Variants in CUX2 observed in about 807,000 individuals in gnomAD.
The protein encoded by CUX2 is cut like homeobox 2, also known as homeobox protein cut-like 2.
A neutral mutation model predicts 144.8 loss-of-function variants in CUX2; 40 were observed. The observed-to-expected ratio is 0.28, with a 90% CI of 0.21 to 0.36. The LOEUF (loss-of-function observed/expected upper bound fraction) is 0.36, where lower values mean the gene tolerates loss of function less well. CUX2 is among the 10% of genes least tolerant of loss of function. The probability of loss-of-function intolerance (pLI) is 1.00; values close to 1 mark genes in which losing one functional copy is unlikely to be tolerated. For synonymous variants in CUX2, 827 were observed against 875.6 expected (o/e 0.94, Z 0.98); for missense variants, 1,615 against 1,994.0 (o/e 0.81, Z 3.62).
intron 1 of CUX2, among the ~76,000 whole-genome samples, chr12:111,036,513 T>C (rs868310877): frequency 2.4e-4 from 37 of 152,140 alleles, no homozygotes; most frequent in Middle Eastern, 6.8e-3. Context: ...TTTTAGAAGA[T>C]GCATAGATGG....
At chr12:111,102,689 TTTTG>T (rs1236076992) in intron 1 of CUX2, among the ~76,000 whole-genome samples, 1 of 152,190 alleles carries the variant, frequency 6.6e-6, no homozygotes, top group Non-Finnish European at 1.5e-5. Context: ...CTTGGAGACA[TTTTG>T]GAGTCTTCCA....
At chr12:111,179,568 T>A (rs1879037753) in intron 1 of CUX2, among the ~76,000 whole-genome samples, 1 of 151,972 alleles carries the variant, frequency 6.6e-6, no homozygotes, top group African/African-American at 2.4e-5. Flanking sequence ...CAGAGTTCAT[T>A]CCGGCTGATC....
At chr12:111,082,364 T>G (rs543948965) in intron 1 of CUX2, among the ~76,000 whole-genome samples, 1 of 152,346 alleles carries the variant, frequency 6.6e-6, no homozygotes, top group Non-Finnish European at 1.5e-5. Flanking sequence ...AAAAGGCTGG[T>G]GGCCTGAATT....
At chr12:111,038,960 T>A (rs1258728959) in intron 1 of CUX2, among the ~76,000 whole-genome samples, 2 of 149,738 alleles carry the variant, frequency 1.3e-5, no homozygotes, top group East Asian at 3.9e-4. Context: ...TTTTCCTTAT[T>A]TTTTTTTTTA....
rs1871167289 is a variant in CUX2, at chr12:111,069,533, T to TGTGTGTGTGTGTGTGTGTGCGCGCGCGC, written c.63+35320_63+35321insCGTGTGTGTGTGTGTGTGTGCGCGCGCG. ...CAAAGCCTTGCTCTGTGTGTGTGTG[T>TGTGTGTGTGTGTGTGTGTGCGCGCGCGC]GTGTGTGTGTGTGTGTGTGCGCGCG... On this transcript the variant is annotated intron_variant, in intron 1 of 21. Coordinates refer to ENST00000261726, the MANE Select transcript of CUX2 (RefSeq NM_015267.4). 7.4e-5 allele frequency among the ~76,000 whole-genome samples: 11 copies of TGTGTGTGTGTGTGTGTGTGCGCGCGCGC among 148,262 alleles called. No homozygotes were observed. In the South Asian group the frequency reaches 1.8e-3, roughly 24 times the overall value.
chr12:111,319,086 G>A (rs1175505689), intron 16 of CUX2, among the ~76,000 whole-genome samples: 1 of 151,830 alleles, frequency 6.6e-6, no homozygotes, highest in African/African-American at 2.4e-5. Flanking sequence ...GGCTGAGGAG[G>A]GCAGATCACT....
chr12:111,328,882 C>A (rs1887945365), intron 18 of CUX2, among the ~76,000 whole-genome samples: 1 of 149,972 alleles, frequency 6.7e-6, no homozygotes, highest in South Asian at 2.1e-4. Flanking sequence ...GCTACTGCAC[C>A]CAGTCACCTC....
chr12:111,083,131 G>T (rs530433618), intron 1 of CUX2, among the ~76,000 whole-genome samples: 1 of 152,146 alleles, frequency 6.6e-6, no homozygotes, highest in Admixed American at 6.5e-5. Context: ...AATGTCTCCA[G>T]ATACTGCTGA....
chr12:111,036,165 C>T (rs997784864), intron 1 of CUX2, among the ~76,000 whole-genome samples: 3 of 152,224 alleles, frequency 2.0e-5, no homozygotes, highest in Non-Finnish European at 2.9e-5. Flanking sequence ...GGCGAAAGCC[C>T]TTTGCAGGGT....
intron 1 of CUX2, among the ~76,000 whole-genome samples, chr12:111,207,617 C>G (rs921521587): frequency 6.6e-6 from 1 of 152,112 alleles, no homozygotes; most frequent in Non-Finnish European, 1.5e-5. Flanking sequence ...CCTGGAATCT[C>G]GACCATCACT....
rs371108027 is a variant in CUX2 at position 111,042,889 on chromosome 12, A to G, written c.63+8649A>G. Among the ~76,000 whole-genome samples, 4 of 150,934 alleles carry G rather than the reference A, an allele frequency of 2.7e-5. No homozygotes were observed. The East Asian group carries it at 5.8e-4, about 22-fold the overall frequency. ...AAGCTCAAGTGATTCTCCCAACTCA[A>G]CCTCTCAAAGTGCTGGGATTACAGG... On this transcript the variant is annotated intron_variant, in intron 1 of 21. Coordinates refer to ENST00000261726, the MANE Select transcript of CUX2 (RefSeq NM_015267.4).
chr12:111,227,852 T>A (rs1470402952), intron 3 of CUX2, among the ~76,000 whole-genome samples: 1 of 152,146 alleles, frequency 6.6e-6, no homozygotes, highest in African/African-American at 2.4e-5. Flanking sequence ...ACCTGTTGTA[T>A]ACAAGGGTGA....
At position 111,312,270 on chromosome 12, in the gene CUX2, G is replaced by C. The variant is rs543079033; in HGVS notation, c.2002+69G>C. ...AGCTGCGAACAGGAGATGAGGCTTC[G>C]TCTACCTTTGTCCACCCCAGAGGGA... On this transcript the variant is annotated intron_variant, in intron 16 of 21. Coordinates refer to ENST00000261726, the MANE Select transcript of CUX2 (RefSeq NM_015267.4). This position sits in a 1 kb window ranked among gnomAD's most constrained non-coding sequence, Gnocchi z 4.3. The C allele has an allele frequency of 7.4e-6, 10 of 1,359,356 alleles. No homozygotes were observed. The highest frequency in any genetic ancestry group is 1.0e-5 in the Non-Finnish European group (10 of 981,420). The allele number at this position is 1,359,356 out of a possible 1,614,324, so 84.2% of individuals were successfully genotyped here.
rs1227311025 is a variant in CUX2, at chr12:111,311,597, A to AT, written c.1901-501dup. Among the ~76,000 whole-genome samples the AT allele has an allele frequency of 3.1e-4, 42 of 136,462 alleles. 1 individual carries two copies. Among genetic ancestry groups the AT allele is most frequent in the African/African-American group, 1.2e-3 (38 of 31,994 alleles). The allele number at this position is 136,462 out of a possible 152,430, so 89.5% of individuals were successfully genotyped here. A position where few individuals can be genotyped will look rare whatever the true frequency, so the allele number is the denominator to read the frequency against. On this transcript the variant is annotated intron_variant, in intron 15 of 21. Transcript: ENST00000261726. ...AGCCACTGTACCCTATTTCTTTATT[A>AT]TTATTATTTTTTTTTTTTTGAGACG...
chr12:111,162,998 A>T (rs1877880539), intron 1 of CUX2, among the ~76,000 whole-genome samples: 1 of 151,136 alleles, frequency 6.6e-6, no homozygotes, highest in South Asian at 2.1e-4. Flanking sequence ...GTGAGCCGAG[A>T]TCCTACCACT....
chr12:111,224,350 TCA>T (rs1185806326), intron 3 of CUX2, among the ~76,000 whole-genome samples: 1 of 151,950 alleles, frequency 6.6e-6, no homozygotes, highest in Non-Finnish European at 1.5e-5. Flanking sequence ...GAGGGTTTCC[TCA>T]CAGTTGAGAT....
intron 3 of CUX2, among the ~76,000 whole-genome samples, chr12:111,252,274 A>G (rs1883597690): frequency 6.6e-6 from 1 of 152,254 alleles, no homozygotes; most frequent in Non-Finnish European, 1.5e-5. Context: ...CCTTCGGCCC[A>G]TAGCCCAGCA....
At chr12:111,216,166 C>G (rs1180728797) in intron 2 of CUX2, among the ~76,000 whole-genome samples, 1 of 152,220 alleles carries the variant, frequency 6.6e-6, no homozygotes, top group Non-Finnish European at 1.5e-5. Flanking sequence ...CCAAACCCAT[C>G]CCTCCCAGAA....
At chr12:111,087,906 T>A (rs914996481) in intron 1 of CUX2, among the ~76,000 whole-genome samples, 5 of 152,158 alleles carry the variant, frequency 3.3e-5, no homozygotes, top group Admixed American at 6.5e-5. Flanking sequence ...ACCCCAGATG[T>A]CCTTCACCAG....
Sources: allele counts gnomAD v4.1 joint callset (sites outside exome capture counted in the v4.1 genomes callset), GRCh38; gene constraint gnomAD v4.1.1; non-coding constraint Gnocchi (gnomAD v3.1); transcripts MANE v1.5; gene names NCBI Gene and HGNC (gene_info 2026-07-23, HGNC 2026-07-21).